PPP2R2B: variants seen among roughly 807,000 people sequenced by gnomAD.
PPP2R2B encodes serine/threonine-protein phosphatase 2A 55 kDa regulatory subunit B beta isoform.
In PPP2R2B, 5 loss-of-function variants were observed where a neutral mutation model predicts 46.0. The ratio of observed to expected loss-of-function variants is 0.11; its 90% confidence interval spans 0.06 to 0.23. PPP2R2B has a LOEUF of 0.23. Ranked by LOEUF, PPP2R2B falls within the 10% of genes least tolerant of loss-of-function variation. The probability of loss-of-function intolerance (pLI) is 1.00; values close to 1 mark genes in which losing one functional copy is unlikely to be tolerated. For synonymous variants in PPP2R2B, 215 were observed against 206.7 expected (o/e 1.04, Z -0.34); for missense variants, 367 against 575.0 (o/e 0.64, Z 3.70).
chr5:146,604,082 A>C (rs1772040824), intron 7 of PPP2R2B, among the ~76,000 whole-genome samples: 1 of 152,242 alleles, frequency 6.6e-6, no homozygotes, highest in Non-Finnish European at 1.5e-5. Flanking sequence ...AATAATGAAC[A>C]AGACAGATCC....
At chr5:147,051,946 C>T (rs147336728) in intron 1 of PPP2R2B, among the ~76,000 whole-genome samples, 3 of 151,650 alleles carry the variant, frequency 2.0e-5, no homozygotes, top group Non-Finnish European at 4.4e-5. Context: ...TTCTTTACAG[C>T]TATGATTGGA....
At chr5:146,770,037 T>A (rs938730655) in intron 2 of PPP2R2B, among the ~76,000 whole-genome samples, 1 of 151,984 alleles carries the variant, frequency 6.6e-6, no homozygotes, top group Non-Finnish European at 1.5e-5. Flanking sequence ...TGTAAAAGAA[T>A]GGAGAATTTG....
chr5:146,953,112 C>G (rs1409068049), intron 1 of PPP2R2B, among the ~76,000 whole-genome samples: 1 of 152,148 alleles, frequency 6.6e-6, no homozygotes, highest in Non-Finnish European at 1.5e-5. Context: ...CTAATCAAAA[C>G]AGAGCACTGA....
At chr5:146,908,524 GA>G (rs747903010) in intron 1 of PPP2R2B, among the ~76,000 whole-genome samples, 81 of 145,882 alleles carry the variant, frequency 5.6e-4, no homozygotes, top group Non-Finnish European at 1.0e-3. Flanking sequence ...GAAATTGTTA[GA>G]TTTTTTTTTT....
At chr5:146,736,084 T>C (rs1752519366) in intron 2 of PPP2R2B, among the ~76,000 whole-genome samples, 1 of 152,184 alleles carries the variant, frequency 6.6e-6, no homozygotes, top group Non-Finnish European at 1.5e-5. Context: ...CCTGTTCTTA[T>C]GAGAGTGAGT....
intron 1 of PPP2R2B, among the ~76,000 whole-genome samples, chr5:146,998,207 T>C (rs1303800541): frequency 6.6e-6 from 1 of 152,228 alleles, no homozygotes; most frequent in Non-Finnish European, 1.5e-5. Flanking sequence ...TGAGATTGTG[T>C]TTTTCTCTAA....
chr5:146,679,265 A>G (rs1178996749), intron 5 of PPP2R2B, among the ~76,000 whole-genome samples: 1 of 8,300 alleles, frequency 1.2e-4, no homozygotes, highest in Non-Finnish European at 1.7e-4. Context: ...CTGATCTTTG[A>G]CAAACCTGAG....
chr5:146,636,946 C>T (rs1016168638), intron 7 of PPP2R2B, among the ~76,000 whole-genome samples: 3 of 152,186 alleles, frequency 2.0e-5, no homozygotes, highest in Admixed American at 1.3e-4. Context: ...CCTACTTGTA[C>T]TTCAACACTC....
Position 146,667,864 on chromosome 5 carries a change from C to T in PPP2R2B, c.448-17140G>A, listed in dbSNP as rs550690942. ...AGTCACTCCAGCCCAGATTTTATAA[C>T]ACTTTCAGCCCAATTGCTCAGTGCT... is the stretch of plus-strand genomic sequence containing the variant. On this transcript the variant is annotated intron_variant, in intron 5 of 9. Transcript: ENST00000394411. Among the ~76,000 whole-genome samples the T allele has an allele frequency of 6.6e-5, 10 of 152,244 alleles. No individual in the cohort carries two copies. In the South Asian group the frequency reaches 1.7e-3, roughly 25 times the overall value.
chr5:146,601,453 G>A (rs1276762718), intron 7 of PPP2R2B, among the ~76,000 whole-genome samples: 1 of 152,106 alleles, frequency 6.6e-6, no homozygotes, highest in African/African-American at 2.4e-5. Context: ...GCCAGGCATG[G>A]TGGGGCATGC....
At chr5:146,850,084 C>T (rs1006760714) in intron 2 of PPP2R2B, among the ~76,000 whole-genome samples, 3 of 152,130 alleles carry the variant, frequency 2.0e-5, no homozygotes, top group East Asian at 1.9e-4. Context: ...TCTGCATTAA[C>T]GATGCTAATT....
At chr5:146,642,448 T>A (rs1179472896) in intron 6 of PPP2R2B, among the ~76,000 whole-genome samples, 1 of 152,164 alleles carries the variant, frequency 6.6e-6, no homozygotes, top group Admixed American at 6.5e-5. Context: ...AAGTCCAGCA[T>A]GATATTAGAA....
chr5:146,595,000 G>C (rs1187985554), intron 8 of PPP2R2B, among the ~76,000 whole-genome samples: 1 of 152,196 alleles, frequency 6.6e-6, no homozygotes, highest in Non-Finnish European at 1.5e-5. Context: ...ACGAGGTCAG[G>C]CTCATCCTAT....
chr5:146,947,781 G>A (rs978516966), intron 1 of PPP2R2B, among the ~76,000 whole-genome samples: 1 of 151,738 alleles, frequency 6.6e-6, no homozygotes, highest in African/African-American at 2.4e-5. Flanking sequence ...TGGAGCCGCT[G>A]TAAGTGAACT....
chr5:146,647,524 T>C (rs1163175781), intron 6 of PPP2R2B, among the ~76,000 whole-genome samples: 1 of 152,206 alleles, frequency 6.6e-6, no homozygotes, highest in Non-Finnish European at 1.5e-5. Context: ...TTATTTTACA[T>C]ATGGCTGCTT....
At chr5:146,954,232 C>T (rs1410286043) in intron 1 of PPP2R2B, among the ~76,000 whole-genome samples, 4 of 151,754 alleles carry the variant, frequency 2.6e-5, no homozygotes, top group African/African-American at 9.7e-5. Flanking sequence ...TTCTCCAGGA[C>T]CTCAAAATAT....
At chr5:146,630,779 C>T (rs1415752996) in intron 7 of PPP2R2B, among the ~76,000 whole-genome samples, 1 of 152,098 alleles carries the variant, frequency 6.6e-6, no homozygotes, top group Non-Finnish European at 1.5e-5. Flanking sequence ...AGCAAGACAC[C>T]ATCTTCACTC....
chr5:147,062,604 A>T (rs1025937247), intron 2 of PPP2R2B, among the ~76,000 whole-genome samples: 3 of 152,084 alleles, frequency 2.0e-5, no homozygotes, highest in Non-Finnish European at 4.4e-5. Flanking sequence ...CTTTCCGCTT[A>T]TTCCTTCCCT....
intron 1 of PPP2R2B, among the ~76,000 whole-genome samples, chr5:146,995,416 A>C (rs1476740177): frequency 6.6e-6 from 1 of 152,174 alleles, no homozygotes; most frequent in Non-Finnish European, 1.5e-5. Flanking sequence ...TGTGTATTGT[A>C]ATTGGGGGTG....
Sources: allele counts gnomAD v4.1 joint callset (sites outside exome capture counted in the v4.1 genomes callset), GRCh38; gene constraint gnomAD v4.1.1; transcripts MANE v1.5; gene names NCBI Gene and HGNC (gene_info 2026-07-23, HGNC 2026-07-21).